The following CPQ variants were observed in gnomAD, a reference collection of about 807,000 sequenced individuals.
CPQ encodes Ser-Met dipeptidase.
In CPQ, 37 loss-of-function variants were observed where a neutral mutation model predicts 45.7. The ratio of observed to expected loss-of-function variants is 0.81; its 90% CI spans 0.62 to 1.07. The LOEUF (loss-of-function observed/expected upper bound fraction) is 1.07, where lower values mean the gene tolerates loss of function less well. Ranked by LOEUF, CPQ falls within the 50% of genes least tolerant of loss-of-function variation. The probability of loss-of-function intolerance (pLI) is 0.00; values close to 1 mark genes in which losing one functional copy is unlikely to be tolerated. For synonymous variants in CPQ, 186 were observed against 205.8 expected, an observed-to-expected ratio of 0.90 and a Z score of 0.82; for missense variants, 537 against 572.9, an observed-to-expected ratio of 0.94 and a Z score of 0.64.
chr8:96,821,701 T>C (rs1413865953), intron 2 of CPQ, among the ~76,000 whole-genome samples: 2 of 152,104 alleles, frequency 1.3e-5, no homozygotes, highest in East Asian at 3.9e-4. Flanking sequence ...TGCCAGACAC[T>C]GTTCTTTCAT....
At chr8:97,106,719 G>A (rs1811411696) in intron 7 of CPQ, among the ~76,000 whole-genome samples, 1 of 147,954 alleles carries the variant, frequency 6.8e-6, no homozygotes, top group East Asian at 1.9e-4. Context: ...GGAGAGCCTT[G>A]GGCCAGATGG....
At chr8:96,851,866 C>A (rs1416486951) in intron 3 of CPQ, among the ~76,000 whole-genome samples, 1 of 152,180 alleles carries the variant, frequency 6.6e-6, no homozygotes, top group Non-Finnish European at 1.5e-5. Context: ...CTGTGAGGCC[C>A]ATTTGTTTCC....
chr8:97,083,726 G>A (rs1285618637), intron 7 of CPQ, among the ~76,000 whole-genome samples: 1 of 152,082 alleles, frequency 6.6e-6, no homozygotes, highest in East Asian at 1.9e-4. Flanking sequence ...CCTGGCCAAA[G>A]GCACAGAATA....
chr8:96,772,867 T>G (rs568570840), intron 1 of CPQ, among the ~76,000 whole-genome samples: 124 of 152,174 alleles, frequency 8.1e-4, no homozygotes, highest in Non-Finnish European at 1.5e-3. Flanking sequence ...AAGAGTTTGG[T>G]ATAAGGCAAT....
intron 1 of CPQ, among the ~76,000 whole-genome samples, chr8:96,705,478 T>C (rs981706488): frequency 1.3e-5 from 2 of 152,222 alleles, no homozygotes; most frequent in Non-Finnish European, 2.9e-5. Context: ...TGTCTATAAC[T>C]GTGAAATGGT....
At position 96,942,961 on chromosome 8, in the gene CPQ, C is replaced by G. The variant is rs373225353; in HGVS notation, c.850-22974C>G. On this transcript the variant is annotated intron_variant, in intron 4 of 7. Coordinates refer to ENST00000220763, the MANE Select transcript of CPQ (RefSeq NM_016134.4). ...CTCTAGGAGCTGCAGCCAGACATTC[C>G]TATGATGTACTTATAGCTAATCTAG... is the stretch of plus-strand genomic sequence containing the variant. Among the ~76,000 whole-genome samples the G allele has an allele frequency of 3.9e-5, 6 of 152,226 alleles. 1 individual carries two copies. The East Asian group carries it at 7.7e-4, about 20-fold the overall frequency.
At chr8:96,904,652 TG>T (rs1812553001) in intron 4 of CPQ, among the ~76,000 whole-genome samples, 1 of 152,140 alleles carries the variant, frequency 6.6e-6, no homozygotes, top group Non-Finnish European at 1.5e-5. Context: ...CTCAGAGTCC[TG>T]AATCACACTT....
chr8:96,927,599 G>C (rs151008635), intron 4 of CPQ, among the ~76,000 whole-genome samples: 33 of 152,264 alleles, frequency 2.2e-4, no homozygotes, highest in African/African-American at 7.9e-4. Flanking sequence ...GTAGTCCTGG[G>C]CATATAGCAC....
intron 2 of CPQ, among the ~76,000 whole-genome samples, chr8:96,808,915 G>A (rs557711615): frequency 1.3e-5 from 2 of 152,306 alleles, no homozygotes; most frequent in South Asian, 2.1e-4. Context: ...GCCTGGTGCT[G>A]TAAGGTTGTG....
At chr8:96,902,528 T>C (rs1369931734) in intron 4 of CPQ, among the ~76,000 whole-genome samples, 1 of 152,200 alleles carries the variant, frequency 6.6e-6, no homozygotes, top group African/African-American at 2.4e-5. Flanking sequence ...GTTCAGAATG[T>C]GTGTGTTGGA....
intron 1 of CPQ, among the ~76,000 whole-genome samples, chr8:96,680,775 C>T (rs1375253173): frequency 6.6e-6 from 1 of 152,050 alleles, no homozygotes; most frequent in Admixed American, 6.5e-5. Flanking sequence ...GTGGAACTCC[C>T]TAGAGACTTG....
intron 2 of CPQ, among the ~76,000 whole-genome samples, chr8:96,803,096 G>T (rs1586407007): frequency 6.6e-6 from 1 of 152,120 alleles, no homozygotes; most frequent in East Asian, 1.9e-4. Context: ...CAGTGGTGTA[G>T]TTTGAAGGAC....
chr8:96,837,987 C>T (rs1429698421), intron 3 of CPQ, among the ~76,000 whole-genome samples: 7 of 152,132 alleles, frequency 4.6e-5, no homozygotes, highest in Admixed American at 3.3e-4. Context: ...CCACGCACCA[C>T]GTTTCCTCAA....
intron 6 of CPQ, among the ~76,000 whole-genome samples, chr8:97,044,734 T>C (rs1319249981): frequency 6.6e-6 from 1 of 152,180 alleles, no homozygotes; most frequent in Admixed American, 6.5e-5. Flanking sequence ...TCTGTTGGAG[T>C]TTGCTAGAGG....
intron 7 of CPQ, among the ~76,000 whole-genome samples, chr8:97,107,560 C>T (rs1194696462): frequency 6.6e-6 from 1 of 151,314 alleles, no homozygotes; most frequent in African/African-American, 2.5e-5. Flanking sequence ...CTATGAACAC[C>T]CTGTAAGGGG....
intron 3 of CPQ, among the ~76,000 whole-genome samples, chr8:96,863,356 G>A (rs1811954323): frequency 6.6e-6 from 1 of 151,936 alleles, no homozygotes; most frequent in Non-Finnish European, 1.5e-5. Flanking sequence ...ACTTTAAATA[G>A]CTCTGATAGT....
chr8:96,871,876 A>G (rs912665732), intron 3 of CPQ, among the ~76,000 whole-genome samples: 3 of 152,066 alleles, frequency 2.0e-5, no homozygotes, highest in Non-Finnish European at 4.4e-5. Flanking sequence ...TTCAACGTAT[A>G]TATAGAGATG....
intron 2 of CPQ, among the ~76,000 whole-genome samples, chr8:96,786,715 C>G (rs1810773265): frequency 6.6e-6 from 1 of 152,076 alleles, no homozygotes; most frequent in Non-Finnish European, 1.5e-5. Context: ...TATAGCTATT[C>G]TAGTGGGTGT....
chr8:96,710,300 A>G (rs562595390), intron 1 of CPQ, among the ~76,000 whole-genome samples: 55 of 151,940 alleles, frequency 3.6e-4, no homozygotes, highest in African/African-American at 1.3e-3. Context: ...TTATATTTTT[A>G]AAGAACCAAC....
Sources: gnomAD v4.1 joint callset for allele counts (sites outside exome capture counted in the v4.1 genomes callset) on GRCh38, gnomAD v4.1.1 for gene constraint, MANE v1.5 for transcripts, NCBI Gene and HGNC (gene_info 2026-07-23, HGNC 2026-07-21) for gene names.